NEB: variants seen among roughly 807,000 people sequenced by gnomAD.
NEB encodes the protein nebulin.
NEB carries 512 observed loss-of-function variants against 952.2 expected under a neutral mutation model. That is an observed-to-expected ratio of 0.54 (90% CI 0.50 to 0.58). The LOEUF (loss-of-function observed/expected upper bound fraction) is 0.58. NEB is among the 20% of genes least tolerant of loss of function. The pLI is 0.00. For missense variants in NEB, 8,428 were observed against 9,231.1 expected, an observed-to-expected ratio of 0.91 and a Z score of 3.56; for synonymous variants, 2,900 against 3,149.8, an observed-to-expected ratio of 0.92 and a Z score of 2.66.
chr2:151,696,664 G>A lies in NEB; in HGVS notation c.1542C>T (p.Ala514=), dbSNP rs1379241347. The change falls in exon 17 of 182, where the codon GCC becomes GCT. Residue 514 remains alanine (A), a synonymous_variant. Coordinates refer to ENST00000397345, the MANE Select transcript of NEB (RefSeq NM_001164508.2). ...CACTCAGTTGTTTGGAATTGACTTGGGCTTGTAGCAGAACAGGAGAGTCTG... is the reference window on the plus strand; with the variant it reads ...CACTCAGTTGTTTGGAATTGACTTGAGCTTGTAGCAGAACAGGAGAGTCTG... The part of the protein sequence containing the change: ...QVTDSPVLLQ[A]QVNSKQLSDL... 1 of 1,613,732 alleles carries A rather than the reference G, an allele frequency of 6.2e-7. No homozygotes were observed. Among genetic ancestry groups the A allele is most frequent in the African/African-American group, 1.3e-5 (1 of 75,026 alleles).
chr2:151,540,438 T>C lies in NEB; in HGVS notation c.20798A>G (p.Lys6933Arg). Residue 6933 changes from lysine (K) to arginine (R), a missense_variant, in exon 138 of 182, where the codon AAG becomes AGG. By Grantham distance (26) the Lys-to-Arg change is conservative. This residue lies in a region of NEB where 3,374 missense variants were observed against 3,651.5 expected (regional missense o/e 0.92). Transcript: ENST00000397345. ...VKDMVSEKKY[K>R]IQYEKMKDKY... ...GTCTTTCATCTTTTCATATTGAATC[T>C]TGTACTTTTTCTGAGAAATAAATGC... The C allele has an allele frequency of 6.4e-7, 1 of 1,560,524 alleles. No individual in the cohort carries two copies. The highest frequency in any genetic ancestry group is 1.2e-5 in the South Asian group (1 of 84,854).
At position 151,630,725 on chromosome 2, in the gene NEB, T is replaced by A. The variant is rs142435476; in HGVS notation, c.9713A>T (p.Asn3238Ile). The A allele has an allele frequency of 8.7e-6, 14 of 1,606,294 alleles. No individual in the cohort carries two copies. In the East Asian group the frequency reaches 2.9e-4, roughly 33 times the overall value. ...EIMLARQNKI[N>I]YSETLYKLAN... ...GATTTTTGCTCCTACCTCACTGTAG[T>A]TGATTTTGTTCTGCCTTGCCAACAT... Residue 3238 changes from asparagine to isoleucine, a missense_variant, in exon 67 of 182, where the codon AAC (asparagine) becomes ATC (isoleucine). Transcript: ENST00000397345.
intron 28 of NEB, 86 bp from the exon 29 acceptor site, chr2:151,682,855 T>A (rs1381548269): frequency 1.6e-6 from 2 of 1,222,534 alleles, no homozygotes; most frequent in African/African-American, 3.1e-5. Flanking sequence ...AAACAATGTT[T>A]TTGAGATTTC....
intron 52 of NEB, 31 bp downstream of exon 52, chr2:151,653,961 A>G: frequency 7.0e-7 from 1 of 1,426,726 alleles, no homozygotes; most frequent in Non-Finnish European, 9.8e-7. Flanking sequence ...AGATAAAAAT[A>G]TAGCCTTATA....
chr2:151,553,294 C>G, intron 127 of NEB, 104 bp downstream of exon 127: 2 of 937,600 alleles, frequency 2.1e-6, no homozygotes, highest in Middle Eastern at 2.1e-4. Context: ...CAGCCACCCC[C>G]CAGAGCTGGC....
At chr2:151,603,881 CTCAT>C in intron 85 of NEB, 109 bp from the exon 86 acceptor site, 4 of 1,294,586 alleles carry the variant, frequency 3.1e-6, no homozygotes, top group Non-Finnish European at 3.2e-6. Flanking sequence ...GGTGGCTAAT[CTCAT>C]AAAACTCAAG....
intron 63 of NEB, among the ~76,000 whole-genome samples, chr2:151,637,360 G>A (rs2098781133): frequency 6.6e-6 from 1 of 152,198 alleles, no homozygotes; most frequent in Non-Finnish European, 1.5e-5. Context: ...GAAGCGGAGG[G>A]GTGTTGAAGG....
In NEB at chr2:151,676,908, C is replaced by T. The variant is rs75702091; in HGVS notation, c.3774+657G>A. On this transcript the variant is annotated intron_variant, in intron 34 of 181. Transcript: ENST00000397345. ...CATCAGCAGGTAATACAGTGCCTGG[C>T]ACATGGTAAATGTTCAAAAAGCATT... Among the ~76,000 whole-genome samples, 1,069 of 152,258 alleles carry T rather than the reference C, an allele frequency of 7.0e-3. 21 individuals carry two copies. Among genetic ancestry groups the T allele is most frequent in the East Asian group, 0.064 (332 of 5,180 alleles).
Position 151,565,076 on chromosome 2 carries a change from G to T in NEB, c.18439C>A (p.His6147Asn). The stretch of plus-strand genomic sequence containing the variant: ...TAGAGTTTTCCCATGTCTTTGGAGT[G>T]GGAGATATGTGGTGTATCTGGTGAA... ...TFSPDTPHIS[H>N]SKDMGKLYST... Residue 6147 changes from histidine to asparagine, a missense_variant, in exon 117 of 182, where the codon CAC becomes AAC. By Grantham distance (68) the His-to-Asn change is moderately conservative. This residue lies in a region of NEB where 3,374 missense variants were observed against 3,651.5 expected (regional missense o/e 0.92). Transcript: ENST00000397345. The T allele has an allele frequency of 6.3e-7, 1 of 1,594,826 alleles. No individual in the cohort carries two copies.
At chr2:151,514,690 G>C in intron 158 of NEB, 128 bp downstream of exon 158, 1 of 694,384 alleles carries the variant, frequency 1.4e-6, no homozygotes, top group Non-Finnish European at 2.4e-6. Context: ...GTAGTACCAA[G>C]CACATGAGAA....
chr2:151,652,242 T>C (rs776294663), intron 52 of NEB, among the ~76,000 whole-genome samples: 6 of 152,170 alleles, frequency 3.9e-5, no homozygotes, highest in Non-Finnish European at 8.8e-5. Context: ...TTTTTTATTT[T>C]TGAGATACCG....
chr2:151,505,622 ATTC>A, intron 164 of NEB, 52 bp from the exon 165 acceptor site: 2 of 1,411,126 alleles, frequency 1.4e-6, no homozygotes. Context: ...CTGGACTGTT[ATTC>A]TTCCCAACAT....
intron 3 of NEB, among the ~76,000 whole-genome samples, chr2:151,730,688 T>C (rs2099805528): frequency 7.0e-6 from 1 of 142,638 alleles, no homozygotes; most frequent in South Asian, 2.3e-4. Flanking sequence ...CACCAAAACA[T>C]ACAGCACTCA....
rs756509531 is a variant in NEB at position 151,682,648 on chromosome 2, C to G, written c.2943+14G>C. On this transcript the variant is annotated intron_variant, in intron 29 of 181. Coordinates refer to ENST00000397345, the MANE Select transcript of NEB (RefSeq NM_001164508.2). Reference sequence around the variant, plus strand: ...CAGTCACCACTCTCCCTCTGACACACCCAGTGGCTTTACCTCATTGAGGAT... The same window carrying G: ...CAGTCACCACTCTCCCTCTGACACAGCCAGTGGCTTTACCTCATTGAGGAT... The G allele has an allele frequency of 6.3e-7, 1 of 1,593,006 alleles. No individual in the cohort carries two copies. The highest frequency in any genetic ancestry group is 1.1e-5 in the South Asian group (1 of 89,676).
intron 158 of NEB, among the ~76,000 whole-genome samples, 165 bp from the exon 159 acceptor site, chr2:151,514,593 A>G (rs2076593548): frequency 6.6e-6 from 1 of 152,270 alleles, no homozygotes; most frequent in South Asian, 2.1e-4. Context: ...AACATTAAAT[A>G]TCAAATGAAA....
chr2:151,553,804 G>A (rs1451064682), intron 126 of NEB, 24 bp downstream of exon 126: 1 of 1,588,496 alleles, frequency 6.3e-7, no homozygotes, highest in Non-Finnish European at 8.6e-7. Context: ...CCGTGGAGGG[G>A]TACTTCTTAA....
At chr2:151,661,588 A>T (rs1485967842) in intron 46 of NEB, among the ~76,000 whole-genome samples, 1 of 152,192 alleles carries the variant, frequency 6.6e-6, no homozygotes, top group Non-Finnish European at 1.5e-5. Flanking sequence ...TTGATCTCTT[A>T]TTGCAAATCA....
At chr2:151,718,877 T>A (rs2099766570) in intron 9 of NEB, among the ~76,000 whole-genome samples, 1 of 152,222 alleles carries the variant, frequency 6.6e-6, no homozygotes, top group Non-Finnish European at 1.5e-5. Context: ...TCCACCAGAC[T>A]TGGCCCCTGT....
chr2:151,733,491 T>C (rs1291013713), intron 2 of NEB, among the ~76,000 whole-genome samples: 1 of 152,072 alleles, frequency 6.6e-6, no homozygotes, highest in East Asian at 1.9e-4. Flanking sequence ...AATTTAAACT[T>C]CCAAACACTT....
Sources: gnomAD v4.1 joint callset for allele counts (sites outside exome capture counted in the v4.1 genomes callset) on GRCh38, gnomAD v4.1.1 for gene constraint, gnomAD v4.1.1 regional missense constraint, MANE v1.5 for transcripts, NCBI Gene and HGNC (gene_info 2026-07-23, HGNC 2026-07-21) for gene names.